Variants in IBSP observed in about 807,000 individuals in gnomAD.
The protein encoded by IBSP is integrin binding sialoprotein.
A neutral mutation model predicts 25.5 loss-of-function variants in IBSP; 19 were observed. The ratio of observed to expected loss-of-function variants is 0.74; its 90% CI spans 0.52 to 1.09. IBSP has a LOEUF of 1.09. Ranked by LOEUF, IBSP falls within the 50% of genes least tolerant of loss-of-function variation. The probability of loss-of-function intolerance (pLI) is 0.00; values close to 1 mark genes in which losing one functional copy is unlikely to be tolerated. For synonymous variants in IBSP, 144 were observed against 137.6 expected, an observed-to-expected ratio of 1.05 and a Z score of -0.33; for missense variants, 360 against 382.3, an observed-to-expected ratio of 0.94 and a Z score of 0.49.
At chr4:87,802,476 A>G (rs1235164961) in intron 2 of IBSP, 32 bp from the exon 3 acceptor site, 1 of 1,593,424 alleles carries the variant, frequency 6.3e-7, no homozygotes, top group Non-Finnish European at 8.5e-7. Context: ...TAAAAGAAAA[A>G]TTATGCAATA....
intron 4 of IBSP, among the ~76,000 whole-genome samples, chr4:87,805,215 C>T (rs1393024038): frequency 6.6e-6 from 1 of 152,076 alleles, no homozygotes; most frequent in Non-Finnish European, 1.5e-5. Context: ...TTTCTAAATG[C>T]AAGACATTAA....
chr4:87,800,868 A>G (rs939066076), intron 1 of IBSP, among the ~76,000 whole-genome samples: 1 of 152,172 alleles, frequency 6.6e-6, no homozygotes, highest in Non-Finnish European at 1.5e-5. Context: ...AAATGTATTC[A>G]TGGGAAATTG....
intron 6 of IBSP, 127 bp downstream of exon 6, chr4:87,810,891 A>T: frequency 1.4e-6 from 1 of 729,578 alleles, no homozygotes. Flanking sequence ...AGTATTTTAT[A>T]CTATCTTCAT....
intron 4 of IBSP, among the ~76,000 whole-genome samples, chr4:87,805,093 T>G (rs1301696959): frequency 6.6e-6 from 1 of 152,162 alleles, no homozygotes; most frequent in East Asian, 1.9e-4. Flanking sequence ...GGGTGGATGA[T>G]GTGGCCATCT....
intron 5 of IBSP, among the ~76,000 whole-genome samples, chr4:87,809,379 A>G (rs571212731): frequency 1.3e-5 from 2 of 152,330 alleles, no homozygotes; most frequent in East Asian, 1.9e-4. Context: ...ACCTCATATG[A>G]GTCATATAAG....
chr4:87,810,820 A>G (rs1722160502), intron 6 of IBSP, 56 bp downstream of exon 6: 29 of 1,516,940 alleles, frequency 1.9e-5, no homozygotes, highest in Non-Finnish European at 2.5e-5. Context: ...AATAATGGTA[A>G]TGTTCAATCT....
At chr4:87,805,986 C>T in intron 4 of IBSP, 136 bp from the exon 5 acceptor site, 1 of 684,570 alleles carries the variant, frequency 1.5e-6, no homozygotes, top group Non-Finnish European at 2.5e-6. Context: ...ACAAGTCAGT[C>T]AAGATGGTAA....
In IBSP at chr4:87,802,405, G is replaced by A. The variant is rs1344570290; in HGVS notation, c.44G>A (p.Cys15Tyr). ...TTGCTCAGCATTTTGGGAATGGCCT[G>A]TGCTTTCTCAGTAAGTTCTTTATCA... is the stretch of plus-strand genomic sequence containing the variant. ...LILLSILGMA[C>Y]AFSMKNLHRR... The change falls in exon 2 of 7, where the codon TGT becomes TAT. Residue 15 changes from cysteine (C) to tyrosine (Y), a missense_variant. Coordinates refer to ENST00000226284, the MANE Select transcript of IBSP (RefSeq NM_004967.4). 1 of 1,610,358 alleles carries A rather than the reference G, an allele frequency of 6.2e-7. No homozygotes were observed. Among genetic ancestry groups the A allele is most frequent in the Non-Finnish European group, 8.5e-7 (1 of 1,178,690 alleles).
Position 87,802,680 on chromosome 4 carries a change from T to A in IBSP, c.132T>A (p.Tyr44Ter). 1 of 1,571,024 alleles carries A rather than the reference T, an allele frequency of 6.4e-7. No individual in the cohort carries two copies. The change falls in exon 4 of 7, where the codon TAT becomes TAA. Residue 44 changes from tyrosine to a stop codon, truncating the protein, a stop_gained. Transcript: ENST00000226284. LOFTEE classifies it high-confidence loss of function. ...NGVFKYRPRY[Y>*]LYKHAYFYPH... The stretch of plus-strand genomic sequence containing the variant: ...TCTTTAAGTACAGGCCACGATATTA[T>A]CTTTACAAGCATGCCTACTTTTATC...
At chr4:87,810,497 G>A in intron 5 of IBSP, 109 bp from the exon 6 acceptor site, 2 of 835,818 alleles carry the variant, frequency 2.4e-6, no homozygotes, top group Non-Finnish European at 3.8e-6. Context: ...GCTGAGGGAT[G>A]CAAAGTTTTT....
In IBSP at chr4:87,812,342, G is replaced by A. The variant is rs534675111; in HGVS notation, c.*432G>A. 4.9e-4 allele frequency: 76 copies of A among 155,912 alleles called. No homozygotes were observed. The South Asian group carries it at 0.015, about 32-fold the overall frequency. The allele number at this position is 155,912 out of a possible 1,614,324, so 9.7% of individuals were successfully genotyped here. A position where few individuals can be genotyped will look rare whatever the true frequency, so the allele number is the denominator to read the frequency against. On this transcript the variant is annotated 3_prime_UTR_variant, in exon 7 of 7. Coordinates refer to ENST00000226284, the MANE Select transcript of IBSP (RefSeq NM_004967.4). ...AATCGCACTACCTATGCAACACTGT[G>A]TATTAGGTTTATCATCCTCATGTAT...
At chr4:87,809,388 A>T (rs1377581251) in intron 5 of IBSP, among the ~76,000 whole-genome samples, 1 of 152,250 alleles carries the variant, frequency 6.6e-6, no homozygotes, top group Non-Finnish European at 1.5e-5. Context: ...GAGTCATATA[A>T]GCCAATCAGA....
intron 5 of IBSP, among the ~76,000 whole-genome samples, chr4:87,808,472 C>T (rs569345371): frequency 2.5e-3 from 377 of 152,132 alleles, no homozygotes; most frequent in Non-Finnish European, 4.1e-3. Flanking sequence ...TGAGCCACCG[C>T]GCCCAGACAT....
chr4:87,806,285 C>G lies in IBSP; in HGVS notation c.246+101C>G, dbSNP rs1446305108. 5 of 817,658 alleles carry G rather than the reference C, an allele frequency of 6.1e-6. No homozygotes were observed. In the Admixed American group the frequency reaches 1.3e-4, roughly 21 times the overall value. The allele number at this position is 817,658 out of a possible 1,614,324, so 50.7% of individuals were successfully genotyped here. ...TGGACTCAGCAAATAGCCATTGTCA[C>G]TTTACTAACTGCCCATAATATCCTA... On this transcript the variant is annotated intron_variant, in intron 5 of 6. Transcript: ENST00000226284.
chr4:87,802,318 T>G, intron 1 of IBSP, 30 bp from the exon 2 acceptor site: 3 of 1,388,584 alleles, frequency 2.2e-6, no homozygotes, highest in Non-Finnish European at 3.0e-6. Context: ...TTTTAATATT[T>G]TATTAACCTT....
At chr4:87,800,501 C>T (rs370142775) in intron 1 of IBSP, among the ~76,000 whole-genome samples, 2 of 152,288 alleles carry the variant, frequency 1.3e-5, no homozygotes, top group East Asian at 3.9e-4. Flanking sequence ...TTCTGTTTTG[C>T]TGATGGGCTT....
In IBSP at chr4:87,811,999, ATG is replaced by A. The variant is rs1208388202; in HGVS notation, c.*92_*93del. The A allele has an allele frequency of 1.0e-6, 1 of 996,442 alleles. No homozygotes were observed. Among genetic ancestry groups the A allele is most frequent in the Non-Finnish European group, 1.5e-6 (1 of 676,032 alleles). The allele number at this position is 996,442 out of a possible 1,614,324, so 61.7% of individuals were successfully genotyped here. ...AACTCAGGAAGGTGCAATATAACAAATGTGCATATTATAATGAGGAATGGTAC... is the reference window on the plus strand; with the variant it reads ...AACTCAGGAAGGTGCAATATAACAAATGCATATTATAATGAGGAATGGTAC... On this transcript the variant is annotated 3_prime_UTR_variant, in exon 7 of 7. Coordinates refer to ENST00000226284, the MANE Select transcript of IBSP (RefSeq NM_004967.4).
At chr4:87,799,853 A>G (rs559959994) in intron 1 of IBSP, among the ~76,000 whole-genome samples, 1 of 152,350 alleles carries the variant, frequency 6.6e-6, no homozygotes, top group African/African-American at 2.4e-5. Context: ...CTATGCACAT[A>G]AACTACATTA....
At chr4:87,806,897 C>T (rs540492842) in intron 5 of IBSP, among the ~76,000 whole-genome samples, 13 of 151,686 alleles carry the variant, frequency 8.6e-5, no homozygotes, top group Non-Finnish European at 1.3e-4. Flanking sequence ...TCCTGTCACT[C>T]GGGAAGCTGA....
Sources: gnomAD v4.1 joint callset for allele counts (sites outside exome capture counted in the v4.1 genomes callset) on GRCh38, gnomAD v4.1.1 for gene constraint, MANE v1.5 for transcripts, NCBI Gene and HGNC (gene_info 2026-07-23, HGNC 2026-07-21) for gene names.